The following TOP6BL variants were observed in gnomAD, a reference collection of about 807,000 sequenced individuals.
The protein encoded by TOP6BL is type 2 DNA topoisomerase 6 subunit B-like.
chr11:66,762,153 C>G, the TOP6BL span: 1 of 837,350 alleles, frequency 1.2e-6, no homozygotes, highest in Non-Finnish European at 2.1e-6. Flanking sequence ...TGAATTTCAT[C>G]ACTCAGGAAA....
At chr11:66,781,650 C>G in the TOP6BL span, among the ~76,000 whole-genome samples, 1 of 152,170 alleles carries the variant, frequency 6.6e-6, no homozygotes, top group Non-Finnish European at 1.5e-5. Flanking sequence ...GATCCTCCCA[C>G]CTCAGCCTCT....
chr11:66,744,847 C>G, the TOP6BL span: 1 of 1,284,116 alleles, frequency 7.8e-7, no homozygotes, highest in Non-Finnish European at 9.9e-7. Flanking sequence ...CGGCGGCGGG[C>G]GGGTACCCTT....
chr11:66,828,519 A>G, the TOP6BL span: 7 of 604,586 alleles, frequency 1.2e-5, no homozygotes, highest in African/African-American at 7.4e-5. Context: ...TCTGTTTTCT[A>G]TCTCTCAGGA....
the TOP6BL span, among the ~76,000 whole-genome samples, chr11:66,794,757 C>T: frequency 6.6e-6 from 1 of 152,150 alleles, no homozygotes; most frequent in Non-Finnish European, 1.5e-5. Flanking sequence ...GAAAGACTTA[C>T]AGTCAAGTTC....
chr11:66,793,135 T>G, the TOP6BL span, among the ~76,000 whole-genome samples: 1 of 151,988 alleles, frequency 6.6e-6, no homozygotes, highest in Non-Finnish European at 1.5e-5. Context: ...TCACCCAGGC[T>G]GGAGTGCAGT....
chr11:66,801,299 C>T, the TOP6BL span: 1 of 592,994 alleles, frequency 1.7e-6, no homozygotes, highest in Non-Finnish European at 3.0e-6. Context: ...TGAATCTATT[C>T]TAAATGACCT....
At chr11:66,828,182 T>A in the TOP6BL span, 1 of 870,732 alleles carries the variant, frequency 1.1e-6, no homozygotes, top group Non-Finnish European at 1.9e-6. Context: ...CCTCCTCATC[T>A]CCCTGTATAA....
the TOP6BL span, among the ~76,000 whole-genome samples, chr11:66,842,634 G>A: frequency 3.3e-5 from 5 of 152,114 alleles, no homozygotes; most frequent in Non-Finnish European, 7.4e-5. Flanking sequence ...TCTCCCGCCT[G>A]GGTGAGAGAA....
the TOP6BL span, among the ~76,000 whole-genome samples, chr11:66,789,999 G>A: frequency 6.6e-6 from 1 of 152,144 alleles, no homozygotes. Flanking sequence ...CTGGCTGGGC[G>A]CCGTGGCTCA....
the TOP6BL span, among the ~76,000 whole-genome samples, chr11:66,838,605 C>T: frequency 6.6e-6 from 1 of 152,198 alleles, no homozygotes; most frequent in Non-Finnish European, 1.5e-5. Flanking sequence ...AAGGCAGCAG[C>T]AGGTCTTCCC....
At chr11:66,762,231 AG>A in the TOP6BL span, 2 of 590,160 alleles carry the variant, frequency 3.4e-6, no homozygotes, top group African/African-American at 1.9e-5. Flanking sequence ...GCGAGGCCGC[AG>A]GGGGCCCGGC....
the TOP6BL span, chr11:66,796,397 T>G: frequency 1.3e-6 from 2 of 1,509,746 alleles, no homozygotes; most frequent in Non-Finnish European, 9.1e-7. Context: ...AATGATTCTC[T>G]TATTTAAGTC....
the TOP6BL span, among the ~76,000 whole-genome samples, chr11:66,809,145 C>T: frequency 7.9e-5 from 12 of 152,126 alleles, no homozygotes; most frequent in Non-Finnish European, 4.4e-5. Context: ...GGGGTTTCAC[C>T]GTGTTAGCCA....
the TOP6BL span, among the ~76,000 whole-genome samples, chr11:66,833,101 G>A: frequency 0.011 from 1,553 of 141,010 alleles, 34 homozygotes; most frequent in African/African-American, 0.039. Context: ...AGACTGGAGT[G>A]CAGTGGCAAC....
At chr11:66,750,993 C>T in the TOP6BL span, among the ~76,000 whole-genome samples, 1 of 151,178 alleles carries the variant, frequency 6.6e-6, no homozygotes, top group Admixed American at 6.6e-5. Context: ...GTGTTAGCCA[C>T]CACGCCTGGC....
chr11:66,821,340 C>G, the TOP6BL span, among the ~76,000 whole-genome samples: 1 of 148,452 alleles, frequency 6.7e-6, no homozygotes, highest in Non-Finnish European at 1.5e-5. Flanking sequence ...CAGGCTGGAG[C>G]GCAGTGGCAC....
the TOP6BL span, among the ~76,000 whole-genome samples, chr11:66,764,944 G>A: frequency 1.3e-5 from 2 of 151,904 alleles, no homozygotes; most frequent in Non-Finnish European, 2.9e-5. Flanking sequence ...CTACAGCCTT[G>A]GTGACAGAGT....
the TOP6BL span, among the ~76,000 whole-genome samples, chr11:66,824,553 G>A: frequency 6.6e-6 from 1 of 150,742 alleles, no homozygotes; most frequent in South Asian, 2.1e-4. Flanking sequence ...CCAGTAACTC[G>A]TCATTTAACA....
the TOP6BL span, among the ~76,000 whole-genome samples, chr11:66,836,383 G>C: frequency 6.6e-6 from 1 of 151,686 alleles, no homozygotes; most frequent in Non-Finnish European, 1.5e-5. Flanking sequence ...CTAATTTTTT[G>C]TATTTTTAGT....
Sources: allele counts gnomAD v4.1 joint callset (sites outside exome capture counted in the v4.1 genomes callset), GRCh38; gene constraint gnomAD v4.1.1; transcripts MANE v1.5; gene names NCBI Gene and HGNC (gene_info 2026-07-23, HGNC 2026-07-21).